RPS6KC1: variants seen among roughly 807,000 people sequenced by gnomAD.
The protein encoded by RPS6KC1 is ribosomal protein S6 kinase C1.
RPS6KC1 carries 54 observed loss-of-function variants against 103.8 expected under a neutral mutation model. That is an observed-to-expected ratio of 0.52 (90% CI 0.42 to 0.65). The LOEUF (loss-of-function observed/expected upper bound fraction) is 0.65, where lower values mean the gene tolerates loss of function less well. RPS6KC1 is among the 30% of genes least tolerant of loss of function. The pLI is 0.00. For synonymous variants in RPS6KC1, 439 were observed against 438.7 expected (o/e 1.00, Z -0.01); for missense variants, 1,151 against 1,253.8 (o/e 0.92, Z 1.24).
At chr1:213,742,322 C>T in the RPS6KC1 span, among the ~76,000 whole-genome samples, 2 of 152,164 alleles carry the variant, frequency 1.3e-5, no homozygotes, top group Admixed American at 1.3e-4. Context: ...AAGCTCTGGT[C>T]GGCTAATGTG....
At chr1:213,822,907 T>C in the RPS6KC1 span, among the ~76,000 whole-genome samples, 2 of 152,160 alleles carry the variant, frequency 1.3e-5, no homozygotes, top group East Asian at 3.9e-4. Context: ...TAATCTACTA[T>C]CTTTACAGCA....
chr1:213,392,838 C>T, the RPS6KC1 span, among the ~76,000 whole-genome samples: 1 of 152,200 alleles, frequency 6.6e-6, no homozygotes, highest in South Asian at 2.1e-4. Flanking sequence ...TCTGATTTAA[C>T]TGATATTTAT....
the RPS6KC1 span, among the ~76,000 whole-genome samples, chr1:213,739,601 AT>A: frequency 6.6e-6 from 1 of 152,190 alleles, no homozygotes; most frequent in Non-Finnish European, 1.5e-5. Context: ...AGCATGTGAA[AT>A]TTTGGAACAT....
intron 8 of RPS6KC1, among the ~76,000 whole-genome samples, chr1:213,225,108 C>T (rs114033918): frequency 6.6e-6 from 1 of 152,146 alleles, no homozygotes; most frequent in East Asian, 1.9e-4. Context: ...TATTGCCAAA[C>T]AGATGGAAAG....
the RPS6KC1 span, among the ~76,000 whole-genome samples, chr1:213,664,908 A>G: frequency 6.6e-6 from 1 of 152,220 alleles, no homozygotes; most frequent in East Asian, 1.9e-4. Flanking sequence ...AAGAGCATAT[A>G]TATATGAAAA....
intron 3 of RPS6KC1, among the ~76,000 whole-genome samples, chr1:213,103,358 G>T (rs991078832): frequency 1.3e-5 from 2 of 152,114 alleles, no homozygotes; most frequent in African/African-American, 4.8e-5. Context: ...AAAGAACCAT[G>T]ATATTCTATT....
chr1:213,440,617 A>C, the RPS6KC1 span, among the ~76,000 whole-genome samples: 2 of 148,220 alleles, frequency 1.3e-5, no homozygotes, highest in Non-Finnish European at 3.0e-5. Context: ...AAAAAAAAAG[A>C]ACTCTATTAT....
the RPS6KC1 span, among the ~76,000 whole-genome samples, chr1:213,847,197 CCA>C: frequency 6.6e-6 from 1 of 152,184 alleles, no homozygotes; most frequent in African/African-American, 2.4e-5. Context: ...ATCTTCACAG[CCA>C]CAGTTCCAAC....
chr1:213,698,572 A>G, the RPS6KC1 span, among the ~76,000 whole-genome samples: 2 of 152,162 alleles, frequency 1.3e-5, 1 homozygote, highest in Admixed American at 1.3e-4. Flanking sequence ...CAATCTTTGA[A>G]TTCTGAAATG....
the RPS6KC1 span, among the ~76,000 whole-genome samples, chr1:213,699,014 G>T: frequency 6.6e-6 from 1 of 151,798 alleles, no homozygotes; most frequent in Non-Finnish European, 1.5e-5. Context: ...GGAAAATGGG[G>T]TATTATTACC....
At chr1:213,150,901 C>G (rs949180944) in intron 6 of RPS6KC1, among the ~76,000 whole-genome samples, 2 of 151,842 alleles carry the variant, frequency 1.3e-5, no homozygotes, top group East Asian at 3.9e-4. Flanking sequence ...CGGGCAGAGG[C>G]GCCCCTCACC....
At chr1:213,712,148 A>G in the RPS6KC1 span, among the ~76,000 whole-genome samples, 6 of 152,254 alleles carry the variant, frequency 3.9e-5, no homozygotes, top group Non-Finnish European at 8.8e-5. Context: ...TGTCCCAGGA[A>G]GATGGGAGTT....
chr1:213,299,573 A>G, the RPS6KC1 span, among the ~76,000 whole-genome samples: 52,330 of 141,046 alleles, frequency 0.37, 9,890 homozygotes, highest in African/African-American at 0.45. Context: ...AAAAAAAAAT[A>G]TGTCGTGAGC....
At chr1:213,788,980 G>C in the RPS6KC1 span, among the ~76,000 whole-genome samples, 2 of 152,176 alleles carry the variant, frequency 1.3e-5, no homozygotes, top group Non-Finnish European at 2.9e-5. Context: ...GGGGAAAAAA[G>C]TAGCAGGGGT....
the RPS6KC1 span, among the ~76,000 whole-genome samples, chr1:213,579,201 G>C: frequency 3.9e-5 from 6 of 152,052 alleles, no homozygotes; most frequent in African/African-American, 9.7e-5. Flanking sequence ...CTTCCACCAT[G>C]ACTGTGAGGC....
the RPS6KC1 span, among the ~76,000 whole-genome samples, chr1:213,486,100 C>A: frequency 3.9e-5 from 6 of 152,150 alleles, no homozygotes; most frequent in Non-Finnish European, 8.8e-5. Context: ...CCAGCAGGCA[C>A]GCACACAACA....
At chr1:213,776,321 A>G in the RPS6KC1 span, among the ~76,000 whole-genome samples, 3 of 152,148 alleles carry the variant, frequency 2.0e-5, no homozygotes, top group African/African-American at 7.2e-5. Flanking sequence ...TATTTCTTAT[A>G]TAATAAGACT....
At chr1:213,722,473 G>T in the RPS6KC1 span, among the ~76,000 whole-genome samples, 1 of 152,114 alleles carries the variant, frequency 6.6e-6, no homozygotes, top group Non-Finnish European at 1.5e-5. Context: ...CTCCACTCCA[G>T]CCCTCAGACT....
chr1:213,065,070 G>A (rs1483650691), intron 1 of RPS6KC1, among the ~76,000 whole-genome samples: 2 of 145,746 alleles, frequency 1.4e-5, no homozygotes, highest in Non-Finnish European at 3.0e-5. Flanking sequence ...TCTGCCTCCT[G>A]GGTTCAAGTG....
Sources: allele counts gnomAD v4.1 joint callset (sites outside exome capture counted in the v4.1 genomes callset), GRCh38; gene constraint gnomAD v4.1.1; transcripts MANE v1.5; gene names NCBI Gene and HGNC (gene_info 2026-07-23, HGNC 2026-07-21).